Variants in PLXNA2 observed in about 807,000 individuals in gnomAD.
The protein encoded by PLXNA2 is plexin-A2.
Under a neutral mutation model 193.5 loss-of-function variants are expected in PLXNA2, and 91 were observed. The observed-to-expected ratio is 0.47, with a 90% CI of 0.40 to 0.56. The LOEUF is 0.56. Among genes scored for constraint, PLXNA2 ranks in the 20% least tolerant of loss-of-function variants. The probability of loss-of-function intolerance (pLI) is 0.00; values close to 1 mark genes in which losing one functional copy is unlikely to be tolerated. For synonymous variants in PLXNA2, 997 were observed against 1,027.3 expected (o/e 0.97, Z 0.56); for missense variants, 1,995 against 2,503.2 (o/e 0.80, Z 4.33).
intron 4 of PLXNA2, among the ~76,000 whole-genome samples, chr1:208,131,987 G>A (rs1334289369): frequency 6.6e-6 from 1 of 152,090 alleles, no homozygotes; most frequent in Non-Finnish European, 1.5e-5. Flanking sequence ...TTGTCAAACG[G>A]GGGAGATAAT....
intron 3 of PLXNA2, among the ~76,000 whole-genome samples, chr1:208,157,555 T>G (rs1668974333): frequency 1.3e-5 from 2 of 152,176 alleles, no homozygotes; most frequent in African/African-American, 4.8e-5. Flanking sequence ...TGGGCTACTC[T>G]CAGGATGTTG....
chr1:208,165,592 C>T (rs1282088213), intron 3 of PLXNA2, among the ~76,000 whole-genome samples: 3 of 152,180 alleles, frequency 2.0e-5, no homozygotes, highest in African/African-American at 7.2e-5. Flanking sequence ...GGGCAGCTTT[C>T]GTCAATAGCC....
intron 4 of PLXNA2, among the ~76,000 whole-genome samples, chr1:208,139,198 T>A (rs1668396147): frequency 6.6e-6 from 1 of 152,166 alleles, no homozygotes. Context: ...TTCTATAAGA[T>A]CTGAAAGAGA....
In PLXNA2 at chr1:208,042,148, G is replaced by T. The variant is rs1229059791; in HGVS notation, c.4236C>A (p.Leu1412=). 6.2e-7 allele frequency: 1 copy of T among 1,614,090 alleles called. No homozygotes were observed. The highest frequency in any genetic ancestry group is 8.5e-7 in the Non-Finnish European group (1 of 1,180,044). Residue 1412 remains leucine (L), a synonymous_variant, in exon 22 of 32, where the codon CTC becomes CTA. Coordinates refer to ENST00000367033, the MANE Select transcript of PLXNA2 (RefSeq NM_025179.4). ...TDVLKQLLSD[L]IDKNLENKNH... ...TCTTGTTCTCCAGGTTCTTATCGAT[G>T]AGGTCAGAGAGCAGCTGCTTGAGGA...
intron 2 of PLXNA2, among the ~76,000 whole-genome samples, chr1:208,210,707 C>A (rs1189137710): frequency 2.0e-5 from 3 of 152,176 alleles, no homozygotes; most frequent in Non-Finnish European, 4.4e-5. Flanking sequence ...CTGGCGTCAC[C>A]TGTATCTACC....
chr1:208,228,252 C>T (rs765118063), intron 1 of PLXNA2, among the ~76,000 whole-genome samples: 1 of 152,176 alleles, frequency 6.6e-6, no homozygotes, highest in Non-Finnish European at 1.5e-5. Context: ...GGATCACTCC[C>T]AATCCCTGAT....
chr1:208,171,449 A>G (rs1175327196), intron 3 of PLXNA2, among the ~76,000 whole-genome samples: 1 of 152,226 alleles, frequency 6.6e-6, no homozygotes, highest in Non-Finnish European at 1.5e-5. Flanking sequence ...CCATTGTAGC[A>G]GAAGGAAAAT....
chr1:208,237,663 T>C (rs1209844933), intron 1 of PLXNA2, among the ~76,000 whole-genome samples: 1 of 152,216 alleles, frequency 6.6e-6, no homozygotes, highest in Non-Finnish European at 1.5e-5. Flanking sequence ...TGTGAAGTTC[T>C]CCAGCACCTC....
chr1:208,242,630 C>T lies in PLXNA2; in HGVS notation c.-81+1013G>A, dbSNP rs1672096539. Among the ~76,000 whole-genome samples, 4 of 152,172 alleles carry T rather than the reference C, an allele frequency of 2.6e-5. 1 individual carries two copies. The South Asian group carries it at 8.3e-4, about 32-fold the overall frequency. On this transcript the variant is annotated intron_variant, in intron 1 of 31. Coordinates refer to ENST00000367033, the MANE Select transcript of PLXNA2 (RefSeq NM_025179.4). ...GCTCTCATTTCTAGACCCTTACTGA[C>T]CTAGAGCCCCAAATCTTTTATCCAA...
intron 14 of PLXNA2, among the ~76,000 whole-genome samples, chr1:208,053,666 T>C (rs1665336803): frequency 6.6e-6 from 1 of 152,220 alleles, no homozygotes; most frequent in African/African-American, 2.4e-5. Context: ...ATATTCGATG[T>C]AGCAATGTAG....
intron 3 of PLXNA2, among the ~76,000 whole-genome samples, chr1:208,192,909 A>AG (rs1328896238): frequency 6.6e-6 from 1 of 152,032 alleles, no homozygotes; most frequent in Non-Finnish European, 1.5e-5. Context: ...AAAAAGAAAA[A>AG]AAAAAAAACC....
At chr1:208,230,325 C>T (rs1490270807) in intron 1 of PLXNA2, 2 of 152,264 alleles carry the variant, frequency 1.3e-5, no homozygotes, top group Non-Finnish European at 2.9e-5. Context: ...CTGCTAGTCC[C>T]ACCTTCTCCC....
intron 1 of PLXNA2, among the ~76,000 whole-genome samples, chr1:208,222,947 A>AAC (rs1671386843): frequency 6.6e-6 from 1 of 152,160 alleles, no homozygotes; most frequent in Non-Finnish European, 1.5e-5. Flanking sequence ...CCTGGAGCTG[A>AAC]CAGTTTTCAT....
intron 5 of PLXNA2, among the ~76,000 whole-genome samples, chr1:208,099,500 G>T (rs1667023082): frequency 6.6e-6 from 1 of 152,162 alleles, no homozygotes; most frequent in South Asian, 2.1e-4. Context: ...TGTCAGAGCT[G>T]AAGTGTGAAT....
chr1:208,161,213 G>A (rs181119559), intron 3 of PLXNA2, among the ~76,000 whole-genome samples: 1 of 152,300 alleles, frequency 6.6e-6, no homozygotes, highest in East Asian at 1.9e-4. Context: ...CAGGGATCCA[G>A]CTTCAATAGA....
Position 208,079,255 on chromosome 1 carries a change from CT to C in PLXNA2, c.2586+4del. 1 of 1,598,678 alleles carries C rather than the reference CT, an allele frequency of 6.3e-7. No individual in the cohort carries two copies. Among genetic ancestry groups the C allele is most frequent in the Non-Finnish European group, 8.6e-7 (1 of 1,167,026 alleles). Reference sequence around the variant, plus strand: ...CTTCCTGCTCTAGAGACTTGCAGGACTTACCTCGGTGATTTGAGGGTTGGAG... The same window carrying C: ...CTTCCTGCTCTAGAGACTTGCAGGACTACCTCGGTGATTTGAGGGTTGGAG... On this transcript the variant is annotated splice_donor_region_variant and intron_variant, in intron 12 of 31. Transcript: ENST00000367033.
At chr1:208,076,862 A>G (rs868538769) in intron 12 of PLXNA2, among the ~76,000 whole-genome samples, 3 of 152,186 alleles carry the variant, frequency 2.0e-5, no homozygotes, top group South Asian at 4.1e-4. Context: ...CCTGATTTTG[A>G]TAATTATACT....
At chr1:208,030,529 T>C (rs955649068) in intron 29 of PLXNA2, 1 of 985,442 alleles carries the variant, frequency 1.0e-6, no homozygotes, top group Non-Finnish European at 1.2e-6. Context: ...CCCCAGCCTG[T>C]TCGTTTCACT....
intron 1 of PLXNA2, among the ~76,000 whole-genome samples, chr1:208,241,290 G>A (rs552667929): frequency 3.3e-5 from 5 of 152,310 alleles, no homozygotes; most frequent in South Asian, 2.1e-4. Context: ...TACATTCACC[G>A]CATCTGCAGC....
Sources: allele counts gnomAD v4.1 joint callset (sites outside exome capture counted in the v4.1 genomes callset), GRCh38; gene constraint gnomAD v4.1.1; transcripts MANE v1.5; gene names NCBI Gene and HGNC (gene_info 2026-07-23, HGNC 2026-07-21).